Variants in GSE1 observed in about 807,000 individuals in gnomAD.
The protein encoded by GSE1 is Gse1 coiled-coil protein.
GSE1 carries 32 observed loss-of-function variants against 112.6 expected under a neutral mutation model. The observed-to-expected ratio is 0.28, with a 90% CI of 0.21 to 0.38. The LOEUF is 0.38. Ranked by LOEUF, GSE1 falls within the 10% of genes least tolerant of loss-of-function variation. The pLI is 1.00. For missense variants in GSE1, 2,348 were observed against 1,699.2 expected, an observed-to-expected ratio of 1.38 and a Z score of -6.71; for synonymous variants, 1,115 against 735.6, an observed-to-expected ratio of 1.52 and a Z score of -8.35.
chr16:85,613,859 T>TG (rs569458973), intron 1 of GSE1, among the ~76,000 whole-genome samples: 2,157 of 47,640 alleles, frequency 0.045, 45 homozygotes, highest in East Asian at 0.11. Context: ...AGCGGGGGTG[T>TG]GGGGGGGGGG....
At chr16:85,572,472 TCACA>T (rs895072757) in intron 1 of GSE1, among the ~76,000 whole-genome samples, 2 of 80,948 alleles carry the variant, frequency 2.5e-5, no homozygotes, top group South Asian at 4.2e-4. Flanking sequence ...ACAACACACA[TCACA>T]CACACCACAT....
chr16:85,484,113 C>A (rs1048532935), intron 2 of GSE1, among the ~76,000 whole-genome samples: 4 of 152,234 alleles, frequency 2.6e-5, no homozygotes, highest in Admixed American at 6.5e-5. Context: ...GGCTCCCGGA[C>A]CAGTTATGCC....
At chr16:85,590,920 G>A (rs1046108227) in intron 1 of GSE1, among the ~76,000 whole-genome samples, 6 of 151,770 alleles carry the variant, frequency 4.0e-5, no homozygotes, top group Non-Finnish European at 8.8e-5. Context: ...GGCCGCACTC[G>A]GTGCTGACAT....
intron 2 of GSE1, among the ~76,000 whole-genome samples, chr16:85,455,381 A>AAGAGAG (rs147528394): frequency 6.7e-6 from 1 of 149,654 alleles, no homozygotes; most frequent in African/African-American, 2.5e-5. Context: ...GGCATTACAA[A>AAGAGAG]AGAGAGAGAG....
intron 8 of GSE1, among the ~76,000 whole-genome samples, chr16:85,657,813 C>T (rs892733943): frequency 6.6e-6 from 1 of 152,158 alleles, no homozygotes; most frequent in African/African-American, 2.4e-5. Flanking sequence ...CAAAGGTATC[C>T]CCACCAGTAA....
At chr16:85,338,955 G>A (rs999701413) in intron 1 of GSE1, among the ~76,000 whole-genome samples, 1 of 152,234 alleles carries the variant, frequency 6.6e-6, no homozygotes, top group Middle Eastern at 3.2e-3. Flanking sequence ...GAAGCATGGG[G>A]CATCTCATCC....
At chr16:85,625,658 G>T (rs2049019497) in intron 1 of GSE1, among the ~76,000 whole-genome samples, 1 of 152,220 alleles carries the variant, frequency 6.6e-6, no homozygotes. Flanking sequence ...AGGCTGGGGA[G>T]AAACCGGGGT....
At chr16:85,357,094 C>T (rs1004292854) in intron 1 of GSE1, among the ~76,000 whole-genome samples, 6 of 152,364 alleles carry the variant, frequency 3.9e-5, no homozygotes, top group Admixed American at 2.6e-4. Flanking sequence ...AAGGCTGGAC[C>T]TTTGGGCTTA....
At chr16:85,452,845 C>T (rs2049724106) in intron 2 of GSE1, among the ~76,000 whole-genome samples, 1 of 152,230 alleles carries the variant, frequency 6.6e-6, no homozygotes, top group Non-Finnish European at 1.5e-5. Context: ...GGATTGGGCC[C>T]TTCCCTCTGC....
chr16:85,442,909 C>G lies in GSE1; in HGVS notation c.2464+85266C>G, dbSNP rs114011869. Among the ~76,000 whole-genome samples the G allele has an allele frequency of 5.3e-3, 801 of 152,282 alleles. 11 individuals carry two copies. Among genetic ancestry groups the G allele is most frequent in the African/African-American group, 0.018 (767 of 41,568 alleles). ...GGAGGAAATCCATCCTTGTCCCTTC[C>G]GAGCTCCGGTGGCCGTTGGTGACCC... is the stretch of plus-strand genomic sequence containing the variant. On this transcript the variant is annotated intron_variant, in intron 2 of 2. Transcript: ENST00000637419.
intron 1 of GSE1, among the ~76,000 whole-genome samples, chr16:85,622,103 C>T (rs927467473): frequency 1.3e-5 from 2 of 152,186 alleles, no homozygotes; most frequent in South Asian, 2.1e-4. Context: ...GTCAGCCATT[C>T]AGCAGTTGAC....
intron 2 of GSE1, among the ~76,000 whole-genome samples, chr16:85,452,043 G>C (rs531486146): frequency 6.6e-6 from 1 of 152,046 alleles, no homozygotes; most frequent in Non-Finnish European, 1.5e-5. Context: ...CCCAAGGTCC[G>C]TGTCTCGGTG....
At position 85,638,744 on chromosome 16, in the gene GSE1, C is replaced by A. The variant is rs79373694; in HGVS notation, c.226+4612C>A. Among the ~76,000 whole-genome samples the A allele has an allele frequency of 1.2e-3, 185 of 151,516 alleles. 1 individual carries two copies. The East Asian group carries it at 0.034, about 28-fold the overall frequency. On this transcript the variant is annotated intron_variant, in intron 2 of 15. Transcript: ENST00000253458. ...CCACCTCCTACGTGCCTCCCCTACC[C>A]CTCCACCCACTGCCACCCCTTCCCC...
intron 2 of GSE1, among the ~76,000 whole-genome samples, chr16:85,524,359 C>G (rs2052293330): frequency 6.6e-6 from 1 of 152,108 alleles, no homozygotes; most frequent in Admixed American, 6.5e-5. Flanking sequence ...CTCTGCCTCT[C>G]TGGGCCTCTG....
At chr16:85,615,120 C>T (rs181388562) in intron 1 of GSE1, among the ~76,000 whole-genome samples, 1 of 152,314 alleles carries the variant, frequency 6.6e-6, no homozygotes, top group East Asian at 1.9e-4. Context: ...TGGGGCACTT[C>T]AGTGTTGCTC....
intron 1 of GSE1, among the ~76,000 whole-genome samples, chr16:85,313,315 G>T (rs1597371284): frequency 1.3e-5 from 2 of 152,226 alleles, no homozygotes; most frequent in African/African-American, 4.8e-5. Context: ...CTTCCTCAAG[G>T]TCCTCGAGAC....
chr16:85,336,933 C>T (rs936223724), intron 1 of GSE1, among the ~76,000 whole-genome samples: 8 of 152,244 alleles, frequency 5.3e-5, no homozygotes, highest in Non-Finnish European at 2.9e-5. Context: ...CAAATGCACA[C>T]GCTGACATGC....
At chr16:85,646,541 C>G (rs898305554) in intron 2 of GSE1, among the ~76,000 whole-genome samples, 1 of 152,212 alleles carries the variant, frequency 6.6e-6, no homozygotes, top group African/African-American at 2.4e-5. Flanking sequence ...TGTTGGGGAC[C>G]TTGGCCTGTG....
chr16:85,633,927 G>T lies in GSE1; in HGVS notation c.21G>T (p.Glu7Asp). Reference protein sequence around the residue: MKGMSHEPKSPSLGMLS... With the variant: MKGMSHDPKSPSLGMLS... ...TTCCTGTTTCAGGCATGAGCCATGA[G>T]CCCAAGTCCCCTTCGCTAGGGATGC... The change falls in exon 2 of 16, where the codon GAG (glutamate) becomes GAT (aspartate). Residue 7 changes from glutamate to aspartate, a missense_variant. Glu to Asp is a conservative substitution (Grantham distance 45). Coordinates refer to ENST00000253458, the MANE Select transcript of GSE1 (RefSeq NM_014615.5). 1 of 1,611,320 alleles carries T rather than the reference G, an allele frequency of 6.2e-7. No individual in the cohort carries two copies. The highest frequency in any genetic ancestry group is 8.5e-7 in the Non-Finnish European group (1 of 1,179,040).
Sources: gnomAD v4.1 joint callset for allele counts (sites outside exome capture counted in the v4.1 genomes callset) on GRCh38, gnomAD v4.1.1 for gene constraint, MANE v1.5 for transcripts, NCBI Gene and HGNC (gene_info 2026-07-23, HGNC 2026-07-21) for gene names.